Variants in VSTM4 observed in about 807,000 individuals in gnomAD.
The protein encoded by VSTM4 is V-set and transmembrane domain-containing protein 4.
A neutral mutation model predicts 36.4 loss-of-function variants in VSTM4; 20 were observed. The ratio of observed to expected loss-of-function variants is 0.55; its 90% CI spans 0.39 to 0.80. The LOEUF (loss-of-function observed/expected upper bound fraction) is 0.80, where lower values mean the gene tolerates loss of function less well. VSTM4 is among the 30% of genes least tolerant of loss of function. The pLI is 0.00. For synonymous variants in VSTM4, 182 were observed against 173.9 expected (o/e 1.05, Z -0.37); for missense variants, 392 against 404.5 (o/e 0.97, Z 0.26).
Position 49,019,428 on chromosome 10 carries a change from A to T in VSTM4, c.*222T>A, listed in dbSNP as rs1843146756. 2.3e-6 allele frequency: 1 copy of T among 435,358 alleles called. No individual in the cohort carries two copies. The highest frequency in any genetic ancestry group is 3.6e-6 in the Non-Finnish European group (1 of 274,128). 27.0% of individuals were successfully genotyped at this position (435,358 alleles called of 1,614,324 possible). ...ATCCTTACGCTCAGGGCTCAAACCC[A>T]GGCGCATCTTGTCCCGGGAGATCTG... On this transcript the variant is annotated 3_prime_UTR_variant, in exon 8 of 8. Transcript: ENST00000332853.
chr10:49,107,521 G>A (rs561405620), intron 2 of VSTM4, 73 bp downstream of exon 2: 3 of 1,520,270 alleles, frequency 2.0e-6, no homozygotes, highest in Non-Finnish European at 2.6e-6. Flanking sequence ...GGAGCCCCTG[G>A]GTGGTGGCTG....
chr10:49,071,639 G>A (rs1015730927), intron 4 of VSTM4, among the ~76,000 whole-genome samples: 1 of 152,222 alleles, frequency 6.6e-6, no homozygotes, highest in Non-Finnish European at 1.5e-5. Flanking sequence ...CTGGCTCCTG[G>A]GATGGGCTGT....
At chr10:49,082,775 G>T (rs982718895) in intron 3 of VSTM4, among the ~76,000 whole-genome samples, 1 of 152,172 alleles carries the variant, frequency 6.6e-6, no homozygotes, top group African/African-American at 2.4e-5. Context: ...TTACAGTTTT[G>T]TCTTTTGCCA....
At chr10:49,020,462 G>GA (rs1221864051) in intron 7 of VSTM4, among the ~76,000 whole-genome samples, 2 of 151,024 alleles carry the variant, frequency 1.3e-5, no homozygotes, top group Non-Finnish European at 3.0e-5. Flanking sequence ...CAGATAAACT[G>GA]AAAAATAAAT....
intron 7 of VSTM4, among the ~76,000 whole-genome samples, chr10:49,035,844 T>A (rs939207818): frequency 1.3e-4 from 19 of 151,820 alleles, no homozygotes; most frequent in Admixed American, 9.2e-4. Flanking sequence ...TCAAAAAAAA[T>A]AATAAATAAA....
chr10:49,087,335 C>T (rs1322030250), intron 2 of VSTM4, among the ~76,000 whole-genome samples: 1 of 152,152 alleles, frequency 6.6e-6, no homozygotes, highest in Admixed American at 6.5e-5. Context: ...GCCTGATAAA[C>T]TTTCATATTT....
intron 7 of VSTM4, among the ~76,000 whole-genome samples, chr10:49,036,550 T>A (rs1168328529): frequency 6.6e-6 from 1 of 152,232 alleles, no homozygotes; most frequent in Admixed American, 6.5e-5. Flanking sequence ...ATTATAAACA[T>A]CCTTCAAGAA....
intron 7 of VSTM4, among the ~76,000 whole-genome samples, chr10:49,045,127 A>G (rs868516035): frequency 2.6e-5 from 4 of 152,110 alleles, no homozygotes; most frequent in South Asian, 2.1e-4. Context: ...ATTGGCATAT[A>G]AATCCTCCAC....
chr10:49,032,108 T>C (rs1843355175), intron 7 of VSTM4, among the ~76,000 whole-genome samples: 2 of 152,162 alleles, frequency 1.3e-5, no homozygotes, highest in African/African-American at 4.8e-5. Context: ...CTTGGTATTA[T>C]AAGGTATCAT....
At position 49,016,020 on chromosome 10, in the gene VSTM4, A is replaced by G. The variant is rs1590059454; in HGVS notation, c.*3630T>C. ...ATCTTCAGAACCCAGGGTGGGGCCC[A>G]CTCGGGCAGCAGGACACACGGTGCA... On this transcript the variant is annotated 3_prime_UTR_variant, in exon 8 of 8. Transcript: ENST00000332853. The G allele has an allele frequency of 6.6e-6, 1 of 152,192 alleles. No individual in the cohort carries two copies. Among genetic ancestry groups the G allele is most frequent in the Non-Finnish European group, 1.5e-5 (1 of 68,104 alleles). 9.4% of individuals were successfully genotyped at this position (152,192 alleles called of 1,614,324 possible).
intron 5 of VSTM4, among the ~76,000 whole-genome samples, chr10:49,049,790 C>G (rs1843669909): frequency 6.6e-6 from 1 of 150,902 alleles, no homozygotes; most frequent in Non-Finnish European, 1.5e-5. Context: ...TGGCTGCAGT[C>G]AAATGTGAGG....
chr10:49,067,281 C>T lies in VSTM4; in HGVS notation c.635-2545G>A, dbSNP rs776871431. Among the ~76,000 whole-genome samples the T allele has an allele frequency of 3.4e-4, 52 of 152,348 alleles. No individual in the cohort carries two copies. The Middle Eastern group carries it at 0.01, about 30-fold the overall frequency. On this transcript the variant is annotated intron_variant, in intron 4 of 7. Coordinates refer to ENST00000332853, the MANE Select transcript of VSTM4 (RefSeq NM_001031746.5). ...AGTTTGAAGACCACAACTTTGCATT[C>T]TAACTTAATCTTCACAGTAGCCTTG... is the stretch of plus-strand genomic sequence containing the variant.
chr10:49,083,355 C>G (rs12257242), intron 3 of VSTM4, among the ~76,000 whole-genome samples: 43,165 of 152,036 alleles, frequency 0.28, 6,268 homozygotes, highest in Admixed American at 0.35. Context: ...GAACTAAGCC[C>G]CAGGAGGATG....
intron 7 of VSTM4, among the ~76,000 whole-genome samples, chr10:49,036,830 A>G (rs1843438589): frequency 6.6e-6 from 1 of 152,228 alleles, no homozygotes; most frequent in African/African-American, 2.4e-5. Context: ...CAACAGCGCT[A>G]TGGAGGAGGC....
chr10:49,021,977 G>A (rs963940844), intron 7 of VSTM4, among the ~76,000 whole-genome samples: 4 of 152,016 alleles, frequency 2.6e-5, no homozygotes, highest in Admixed American at 6.5e-5. Context: ...GGGAACTCTC[G>A]GCACTCGTTC....
intron 4 of VSTM4, among the ~76,000 whole-genome samples, chr10:49,075,675 G>T (rs772026705): frequency 6.6e-6 from 1 of 152,228 alleles, no homozygotes; most frequent in South Asian, 2.1e-4. Flanking sequence ...TGGTGGGAGA[G>T]CACAGGCTCC....
intron 4 of VSTM4, among the ~76,000 whole-genome samples, chr10:49,069,107 C>A (rs572150405): frequency 7.2e-5 from 11 of 152,234 alleles, no homozygotes; most frequent in East Asian, 1.9e-4. Flanking sequence ...GCATGTCCAG[C>A]CTGAAGGCTC....
chr10:49,074,485 G>T (rs1274948152), intron 4 of VSTM4, among the ~76,000 whole-genome samples: 1 of 152,170 alleles, frequency 6.6e-6, no homozygotes, highest in Non-Finnish European at 1.5e-5. Flanking sequence ...CTGCATTTGA[G>T]CAGGTTCCCA....
intron 1 of VSTM4, among the ~76,000 whole-genome samples, chr10:49,115,198 T>C (rs1453947388): frequency 6.6e-6 from 1 of 151,772 alleles, no homozygotes; most frequent in Admixed American, 6.5e-5. Context: ...CCAGGCGAGG[T>C]CGGGACGGGG....
Sources: allele counts gnomAD v4.1 joint callset (sites outside exome capture counted in the v4.1 genomes callset), GRCh38; gene constraint gnomAD v4.1.1; transcripts MANE v1.5; gene names NCBI Gene and HGNC (gene_info 2026-07-23, HGNC 2026-07-21).